DACT3: variants seen among roughly 807,000 people sequenced by gnomAD.
The protein encoded by DACT3 is dapper homolog 3.
A neutral mutation model predicts 19.6 loss-of-function variants in DACT3; 5 were observed. That is an observed-to-expected ratio of 0.26 (90% CI 0.13 to 0.54). DACT3 has a LOEUF of 0.54. Among genes scored for constraint, DACT3 ranks in the 20% least tolerant of loss-of-function variants. The pLI is 0.95. For synonymous variants in DACT3, 454 were observed against 428.1 expected, an observed-to-expected ratio of 1.06 and a Z score of -0.75; for missense variants, 908 against 927.4, an observed-to-expected ratio of 0.98 and a Z score of 0.27.
chr19:46,659,843 CAAG>C (rs1362031248), intron 1 of DACT3, among the ~76,000 whole-genome samples: 2 of 151,870 alleles, frequency 1.3e-5, no homozygotes, highest in Non-Finnish European at 2.9e-5. Flanking sequence ...GGACGTCGGG[CAAG>C]AAGAAGAGAG....
At position 46,660,906 on chromosome 19, in the gene DACT3, C is replaced by A; in HGVS notation, c.159G>T (p.Gly53=). ...QALRLAQPGM[G]GAEAEDEEDA... ...CCTCCTCGTCCTCGGCCTCGGCGCC[C>A]CCCATTCCGGGCTGGGCCAGCCGCA... The change falls in exon 1 of 4, where the codon GGG becomes GGT. Residue 53 remains glycine, a synonymous_variant. Coordinates refer to ENST00000391916, the MANE Select transcript of DACT3 (RefSeq NM_145056.3). The surrounding 1 kb of genome is among the most constrained non-coding windows in gnomAD (Gnocchi z 4.9). 1 of 1,538,046 alleles carries A rather than the reference C, an allele frequency of 6.5e-7. No individual in the cohort carries two copies. Among genetic ancestry groups the A allele is most frequent in the South Asian group, 1.2e-5 (1 of 83,488 alleles).
intron 1 of DACT3, 87 bp from the exon 2 acceptor site, chr19:46,653,162 T>C (rs2053003645): frequency 6.6e-7 from 1 of 1,512,926 alleles, no homozygotes. Context: ...TGGGCAGAGT[T>C]TCACTTTGAC....
At position 46,648,332 on chromosome 19, in the gene DACT3, C is replaced by CACTAAAAA; in HGVS notation, c.*149_*150insTTTTTAGT. On this transcript the variant is annotated 3_prime_UTR_variant, in exon 4 of 4. Transcript: ENST00000391916. The surrounding 1 kb of genome is among the most constrained non-coding windows in gnomAD (Gnocchi z 5.1). Reference sequence around the variant, plus strand: ...CTCGGTGGTGGTGGGGGAGCCTTTTCAACCAAGACTGTTAGGAGTGGGGAG... The same window carrying CACTAAAAA: ...CTCGGTGGTGGTGGGGGAGCCTTTTCACTAAAAAAACCAAGACTGTTAGGAGTGGGGAG... 1 of 1,373,418 alleles carries CACTAAAAA rather than the reference C, an allele frequency of 7.3e-7. No homozygotes were observed. The highest frequency in any genetic ancestry group is 9.9e-7 in the Non-Finnish European group (1 of 1,008,028). The allele number at this position is 1,373,418 out of a possible 1,614,324, so 85.1% of individuals were successfully genotyped here.
chr19:46,659,871 G>A (rs1268093543), intron 1 of DACT3, among the ~76,000 whole-genome samples: 2 of 152,138 alleles, frequency 1.3e-5, no homozygotes, highest in African/African-American at 4.8e-5. Context: ...GTGCAGACAG[G>A]CAGGAAGGGA....
At chr19:46,655,167 A>T (rs2053023613) in intron 1 of DACT3, 1 of 565,746 alleles carries the variant, frequency 1.8e-6, no homozygotes, top group African/African-American at 2.0e-5. Context: ...ACCTCGGGAG[A>T]ATGTTTCCCC....
At chr19:46,654,708 G>A in intron 1 of DACT3, 1 of 985,416 alleles carries the variant, frequency 1.0e-6, no homozygotes. Flanking sequence ...TCAGACAAAA[G>A]CGGCTTGTCT....
In DACT3 at chr19:46,648,894, C is replaced by G. The variant is rs1235082797; in HGVS notation, c.1478G>C (p.Arg493Pro). Reference protein sequence around the residue: ...DAADGRRVRPRAPAARVPGPG... With the variant: ...DAADGRRVRPPAPAARVPGPG... ...GCCGGGAACACGCGCCGCAGGGGCTCGGGGCCGCACGCGGCGCCCATCGGC... is the reference window on the plus strand; with the variant it reads ...GCCGGGAACACGCGCCGCAGGGGCTGGGGGCCGCACGCGGCGCCCATCGGC... The change falls in exon 4 of 4, where the codon CGA becomes CCA. Residue 493 changes from arginine to proline, a missense_variant. This residue lies in a region of DACT3 where 656 missense variants were observed against 601.8 expected (regional missense o/e 1.09). Transcript: ENST00000391916. This position sits in a 1 kb window ranked among gnomAD's most constrained non-coding sequence, Gnocchi z 5.1. The G allele has an allele frequency of 4.4e-5, 60 of 1,368,696 alleles. No individual in the cohort carries two copies. Among genetic ancestry groups the G allele is most frequent in the Non-Finnish European group, 5.0e-5 (54 of 1,069,884 alleles). 84.8% of individuals were successfully genotyped at this position (1,368,696 alleles called of 1,614,324 possible). A position where few individuals can be genotyped will look rare whatever the true frequency, so the allele number is the denominator to read the frequency against.
intron 3 of DACT3, 92 bp downstream of exon 3, chr19:46,652,568 T>C: frequency 7.5e-7 from 1 of 1,337,452 alleles, no homozygotes; most frequent in Admixed American, 2.5e-5. Context: ...CAGCTGGAAT[T>C]GGAATCCAGG....
Position 46,649,226 on chromosome 19 carries a change from C to T in DACT3, c.1146G>A (p.Leu382=). The change falls in exon 4 of 4, where the codon CTG becomes CTA. Residue 382 remains leucine (L), a synonymous_variant. Coordinates refer to ENST00000391916, the MANE Select transcript of DACT3 (RefSeq NM_145056.3). ...ACTGCTCCACGCTGCGGCCGCGGGT[C>T]AGTGGCGGCGGTTTGCGGCGGGCGG... ...GRAARRKPPP[L]TRGRSVEQSP... The T allele has an allele frequency of 2.5e-6, 3 of 1,201,472 alleles. No individual in the cohort carries two copies. Among genetic ancestry groups the T allele is most frequent in the Non-Finnish European group, 3.1e-6 (3 of 971,174 alleles). 74.4% of individuals were successfully genotyped at this position (1,201,472 alleles called of 1,614,324 possible). A position where few individuals can be genotyped will look rare whatever the true frequency, so the allele number is the denominator to read the frequency against.
chr19:46,654,481 CAAAA>C (rs78287248), intron 1 of DACT3: 49 of 724,086 alleles, frequency 6.8e-5, no homozygotes, highest in East Asian at 1.9e-4. Context: ...GCAAGACTGA[CAAAA>C]AAAAAAAAAA....
chr19:46,648,315 TGGTG>T lies in DACT3; in HGVS notation c.*163_*166del. On this transcript the variant is annotated 3_prime_UTR_variant, in exon 4 of 4. Transcript: ENST00000391916. The surrounding 1 kb of genome is among the most constrained non-coding windows in gnomAD (Gnocchi z 5.1). Reference sequence around the variant, plus strand: ...GGCTCCTCCCCATTCCTCTCGGTGGTGGTGGGGGAGCCTTTTCAACCAAGACTGT... The same window carrying T: ...GGCTCCTCCCCATTCCTCTCGGTGGTGGGGAGCCTTTTCAACCAAGACTGT... 8.8e-6 allele frequency: 10 copies of T among 1,141,632 alleles called. No individual in the cohort carries two copies. Among genetic ancestry groups the T allele is most frequent in the Non-Finnish European group, 1.2e-5 (10 of 805,478 alleles). The allele number at this position is 1,141,632 out of a possible 1,614,324, so 70.7% of individuals were successfully genotyped here. A position where few individuals can be genotyped will look rare whatever the true frequency, so the allele number is the denominator to read the frequency against.
Position 46,660,661 on chromosome 19 carries a change from C to T in DACT3, c.249+155G>A, listed in dbSNP as rs1210366438. 2.0e-5 allele frequency among the ~76,000 whole-genome samples: 3 copies of T among 152,144 alleles called. No homozygotes were observed. Among genetic ancestry groups the T allele is most frequent in the African/African-American group, 4.8e-5 (2 of 41,436 alleles). ...GGGGGCGGGGAGGCCAGGTCCGGCC[C>T]GCCGCCGGAACTCCGGGGTCGCCAG... On this transcript the variant is annotated intron_variant, in intron 1 of 3. Coordinates refer to ENST00000391916, the MANE Select transcript of DACT3 (RefSeq NM_145056.3). This position sits in a 1 kb window ranked among gnomAD's most constrained non-coding sequence, Gnocchi z 4.9.
intron 1 of DACT3, among the ~76,000 whole-genome samples, chr19:46,656,143 CAA>C (rs1299410071): frequency 7.5e-6 from 1 of 134,050 alleles, no homozygotes; most frequent in East Asian, 2.4e-4. Flanking sequence ...CTCCCAGGTT[CAA>C]GTGATTTTTT....
chr19:46,659,603 G>C (rs74816645), intron 1 of DACT3: 2,900 of 226,736 alleles, frequency 0.013, 85 homozygotes, highest in African/African-American at 0.064. Flanking sequence ...ACTCCTGAGA[G>C]GGGGAGGGGC....
chr19:46,654,509 A>C, intron 1 of DACT3: 2 of 979,688 alleles, frequency 2.0e-6, no homozygotes, highest in Non-Finnish European at 2.4e-6. Flanking sequence ...AAAAAAGAAA[A>C]AGAAATTTCC....
At position 46,648,529 on chromosome 19, in the gene DACT3, T is replaced by C; in HGVS notation, c.1843A>G (p.Ile615Val). 1 of 1,613,976 alleles carries C rather than the reference T, an allele frequency of 6.2e-7. No homozygotes were observed. Among genetic ancestry groups the C allele is most frequent in the Non-Finnish European group, 8.5e-7 (1 of 1,179,860 alleles). The change falls in exon 4 of 4, where the codon ATA becomes GTA. Residue 615 changes from isoleucine to valine, a missense_variant. By Grantham distance (29) the Ile-to-Val change is conservative (BLOSUM62 3). Coordinates refer to ENST00000391916, the MANE Select transcript of DACT3 (RefSeq NM_145056.3). This position sits in a 1 kb window ranked among gnomAD's most constrained non-coding sequence, Gnocchi z 5.1. ...IKASHALKKK[I>V]LRFRSGSLKV... is the part of the protein sequence containing the mutation. ...AGAGAACCCGAACGGAAACGCAGTATCTTTTTCTTGAGCGCGTGGGAAGCT... is the reference window on the plus strand; with the variant it reads ...AGAGAACCCGAACGGAAACGCAGTACCTTTTTCTTGAGCGCGTGGGAAGCT...
In DACT3 at chr19:46,648,626, G is replaced by A; in HGVS notation, c.1746C>T (p.Ala582=). 6.2e-7 allele frequency: 1 copy of A among 1,612,808 alleles called. No homozygotes were observed. The highest frequency in any genetic ancestry group is 8.5e-7 in the Non-Finnish European group (1 of 1,179,540). ...GLVWPQQLVA[A]TAASGGGAGA... ...CTGCTCCACCCCCAGAGGCCGCGGT[G>A]GCCGCCACCAGCTGCTGCGGCCACA... The change falls in exon 4 of 4, where the codon GCC becomes GCT. Residue 582 remains alanine, a synonymous_variant. Coordinates refer to ENST00000391916, the MANE Select transcript of DACT3 (RefSeq NM_145056.3). The surrounding 1 kb of genome is among the most constrained non-coding windows in gnomAD (Gnocchi z 5.1).
intron 1 of DACT3, chr19:46,654,817 C>T (rs1197203264): frequency 1.0e-6 from 1 of 985,188 alleles, no homozygotes; most frequent in African/African-American, 1.7e-5. Context: ...CCCCGGCAGC[C>T]ACAACCCCCC....
At chr19:46,655,923 C>CTA (rs1439197366) in intron 1 of DACT3, among the ~76,000 whole-genome samples, 17 of 109,626 alleles carry the variant, frequency 1.6e-4, no homozygotes, top group African/African-American at 3.4e-4. Flanking sequence ...CTCTCTCTCT[C>CTA]TCTATATATA....
Sources: gnomAD v4.1 joint callset for allele counts (sites outside exome capture counted in the v4.1 genomes callset) on GRCh38, gnomAD v4.1.1 for gene constraint, gnomAD v4.1.1 regional missense constraint, Gnocchi (gnomAD v3.1) non-coding constraint, MANE v1.5 for transcripts, NCBI Gene and HGNC (gene_info 2026-07-23, HGNC 2026-07-21) for gene names.